Variants in TMEM41A observed in about 807,000 individuals in gnomAD.
The protein encoded by TMEM41A is transmembrane protein 41A.
In TMEM41A, 20 loss-of-function variants were observed where a neutral mutation model predicts 25.7. The observed-to-expected ratio is 0.78, with a 90% CI of 0.55 to 1.13. The LOEUF is 1.13. Among genes scored for constraint, TMEM41A ranks in the 50% most tolerant of loss-of-function variants. The pLI is 0.00. For missense variants in TMEM41A, 299 were observed against 314.3 expected (o/e 0.95, Z 0.37); for synonymous variants, 133 against 139.6 (o/e 0.95, Z 0.33).
At chr3:185,496,404 C>G (rs1719101517) in intron 2 of TMEM41A, 1 of 249,262 alleles carries the variant, frequency 4.0e-6, no homozygotes. Context: ...GATGTGGAGC[C>G]CCCACCAAGC....
At chr3:185,495,791 C>A (rs1241578757) in intron 2 of TMEM41A, 1 of 158,860 alleles carries the variant, frequency 6.3e-6, no homozygotes, top group Non-Finnish European at 1.4e-5. Flanking sequence ...AGGCTGGGAA[C>A]TACACCTGCC....
chr3:185,498,749 A>T, intron 1 of TMEM41A, 94 bp downstream of exon 1: 1 of 953,746 alleles, frequency 1.0e-6, no homozygotes, highest in Non-Finnish European at 1.5e-6. Context: ...CGCCTCCGAT[A>T]CCGGAACCCG....
rs1560148177 is a variant in TMEM41A, at chr3:185,496,685, GTGCTGA to G, written c.273+137_273+142del. The G allele has an allele frequency of 3.9e-6, 4 of 1,034,658 alleles. No homozygotes were observed. In the South Asian group the frequency reaches 5.6e-5, roughly 15 times the overall value. The allele number at this position is 1,034,658 out of a possible 1,614,324, so 64.1% of individuals were successfully genotyped here. A position where few individuals can be genotyped will look rare whatever the true frequency, so the allele number is the denominator to read the frequency against. On this transcript the variant is annotated intron_variant, in intron 2 of 4. Transcript: ENST00000421852. ...ACTTCGGTGCTCAATCCCTCCGTAA[GTGCTGA>G]GGGCCACTGTGTGCCAGCCCCGATA...
chr3:185,491,601 T>G lies in TMEM41A; in HGVS notation c.731A>C (p.Gln244Pro), dbSNP rs765231620. The G allele has an allele frequency of 1.2e-6, 2 of 1,614,206 alleles. No homozygotes were observed. Among genetic ancestry groups the G allele is most frequent in the Non-Finnish European group, 1.7e-6 (2 of 1,180,034 alleles). The stretch of plus-strand genomic sequence containing the variant: ...TGTTTCATTCAATTGCAGATGTTTC[T>G]GACTAAATTTTTTAATGAGGGTTCC... The part of the protein sequence containing the change: ...IPGTLIKKFS[Q>P]KHLQLNETST... Residue 244 changes from glutamine (Q) to proline (P), a missense_variant, in exon 5 of 5, where the codon CAG becomes CCG. Physicochemically the swap from Gln to Pro is moderately conservative, Grantham distance 76. Coordinates refer to ENST00000421852, the MANE Select transcript of TMEM41A (RefSeq NM_080652.4).
intron 1 of TMEM41A, 104 bp downstream of exon 1, chr3:185,498,739 C>T: frequency 1.2e-6 from 1 of 845,606 alleles, no homozygotes; most frequent in East Asian, 2.8e-5. Flanking sequence ...CAATTCCCAA[C>T]GCCTCCGATA....
At position 185,491,767 on chromosome 3, in the gene TMEM41A, GA is replaced by G. The variant is rs1560146231; in HGVS notation, c.575-11del. 3 of 1,588,704 alleles carry G rather than the reference GA, an allele frequency of 1.9e-6. No individual in the cohort carries two copies. The highest frequency in any genetic ancestry group is 2.6e-6 in the Non-Finnish European group (3 of 1,164,938). ...TTATATGGGATCAAACCTGGAAGAA[GA>G]AAAGGACAAAGCACCTGTTACAAGC... On this transcript the variant is annotated splice_polypyrimidine_tract_variant and intron_variant, in intron 4 of 4. Coordinates refer to ENST00000421852, the MANE Select transcript of TMEM41A (RefSeq NM_080652.4).
At chr3:185,496,625 G>A (rs182801050) in intron 2 of TMEM41A, 3 of 643,396 alleles carry the variant, frequency 4.7e-6, no homozygotes, top group Non-Finnish European at 8.2e-6. Context: ...GGTGGGAGAG[G>A]GAAGCAGTAC....
In TMEM41A at chr3:185,494,636, G is replaced by A; in HGVS notation, c.561C>T (p.Phe187=). The change falls in exon 4 of 5, where the codon TTC becomes TTT. Residue 187 remains phenylalanine (F), a synonymous_variant. Transcript: ENST00000421852. ...CTAGCATCTTACCGATAAGAACTGA[G>A]AAGAAGAACTGCACGATGGGAATGT... ...ILNIPIVQFF[F]SVLIGLIPYN... 1.2e-6 allele frequency: 2 copies of A among 1,607,342 alleles called. No individual in the cohort carries two copies. Among genetic ancestry groups the A allele is most frequent in the African/African-American group, 1.3e-5 (1 of 74,554 alleles).
chr3:185,495,319 C>T lies in TMEM41A; in HGVS notation c.274-4G>A. On this transcript the variant is annotated splice_polypyrimidine_tract_variant and splice_region_variant and intron_variant, in intron 2 of 4. Transcript: ENST00000421852. ...ACAAGGCACCAGCTAAAACATTCTG[C>T]AAATAAAACAAACCCTCAGGCATGT... 1 of 1,612,764 alleles carries T rather than the reference C, an allele frequency of 6.2e-7. No individual in the cohort carries two copies. Among genetic ancestry groups the T allele is most frequent in the Non-Finnish European group, 8.5e-7 (1 of 1,179,638 alleles).
At chr3:185,495,066 G>A (rs1166701101) in intron 3 of TMEM41A, 88 bp downstream of exon 3, 2 of 1,488,374 alleles carry the variant, frequency 1.3e-6, no homozygotes, top group South Asian at 1.2e-5. Flanking sequence ...AGAGTACTGT[G>A]GGAAATCCCT....
In TMEM41A at chr3:185,494,668, T is replaced by C. The variant is rs758097342; in HGVS notation, c.529A>G (p.Ile177Val). The change falls in exon 4 of 5, where the codon ATT (isoleucine) becomes GTT (valine). Residue 177 changes from isoleucine (I) to valine (V), a missense_variant. Ile to Val is a conservative substitution (Grantham distance 29). Coordinates refer to ENST00000421852, the MANE Select transcript of TMEM41A (RefSeq NM_080652.4). Reference sequence around the variant, plus strand: ...AACTGCACGATGGGAATGTTCAGAATTGGGGCCGAGAGGTTCAAGAACCAG... The same window carrying C: ...AACTGCACGATGGGAATGTTCAGAACTGGGGCCGAGAGGTTCAAGAACCAG... Reference protein sequence around the residue: ...PNWFLNLSAPILNIPIVQFFF... With the variant: ...PNWFLNLSAPVLNIPIVQFFF... 5 of 1,612,402 alleles carry C rather than the reference T, an allele frequency of 3.1e-6. No homozygotes were observed. The highest frequency in any genetic ancestry group is 2.2e-5 in the East Asian group (1 of 44,824).
intron 1 of TMEM41A, among the ~76,000 whole-genome samples, chr3:185,498,090 C>CACCA (rs1553817738): frequency 7.1e-6 from 1 of 141,054 alleles, no homozygotes; most frequent in African/African-American, 2.6e-5. Context: ...GACCCCCCCC[C>CACCA]CGCGTCCCTA....
intron 4 of TMEM41A, chr3:185,494,381 T>C (rs754059347): frequency 4.8e-6 from 2 of 419,442 alleles, no homozygotes; most frequent in Non-Finnish European, 8.2e-6. Context: ...TCCCAGTGCC[T>C]AGTGCATACA....
At chr3:185,497,754 G>A (rs921446467) in intron 1 of TMEM41A, among the ~76,000 whole-genome samples, 3 of 152,126 alleles carry the variant, frequency 2.0e-5, no homozygotes, top group African/African-American at 4.8e-5. Context: ...CGGTATGTCC[G>A]ACACCCACAG....
chr3:185,491,738 G>T lies in TMEM41A; in HGVS notation c.594C>A (p.Phe198Leu). 6.2e-7 allele frequency: 1 copy of T among 1,612,088 alleles called. No homozygotes were observed. The highest frequency in any genetic ancestry group is 8.5e-7 in the Non-Finnish European group (1 of 1,178,998). Residue 198 changes from phenylalanine (F) to leucine (L), a missense_variant, in exon 5 of 5, where the codon TTC becomes TTA. Coordinates refer to ENST00000421852, the MANE Select transcript of TMEM41A (RefSeq NM_080652.4). ...GGATGGACCCTGTCTGCACACAGAT[G>T]AAATTATATGGGATCAAACCTGGAA... is the stretch of plus-strand genomic sequence containing the variant. ...SVLIGLIPYN[F>L]ICVQTGSILS...
Position 185,491,816 on chromosome 3 carries a change from T to C in TMEM41A, c.575-59A>G, listed in dbSNP as rs1718966901. ...AGCAGCAGCAAAATTAAGAAAATAA[T>C]AATTCAGAATGTCACCAGGAACAGT... On this transcript the variant is annotated intron_variant, in intron 4 of 4. Coordinates refer to ENST00000421852, the MANE Select transcript of TMEM41A (RefSeq NM_080652.4). 17 of 1,318,714 alleles carry C rather than the reference T, an allele frequency of 1.3e-5. No homozygotes were observed. In the East Asian group the frequency reaches 4.0e-4, roughly 31 times the overall value. The allele number at this position is 1,318,714 out of a possible 1,614,324, so 81.7% of individuals were successfully genotyped here.
At position 185,497,045 on chromosome 3, in the gene TMEM41A, C is replaced by T. The variant is rs560600065; in HGVS notation, c.120-64G>A. The T allele has an allele frequency of 2.1e-5, 32 of 1,520,978 alleles. No homozygotes were observed. In the East Asian group the frequency reaches 4.1e-4, roughly 19 times the overall value. The allele number at this position is 1,520,978 out of a possible 1,614,324, so 94.2% of individuals were successfully genotyped here. On this transcript the variant is annotated intron_variant, in intron 1 of 4. Transcript: ENST00000421852. ...ATCAGTCCAGTGCCCATGAAAGTCA[C>T]TCGCTGTGTCTTCTTTTCAGAGTAG... is the stretch of plus-strand genomic sequence containing the variant.
In TMEM41A at chr3:185,498,955, G is replaced by T. The variant is rs755638940; in HGVS notation, c.7C>A (p.Pro3Thr). 1.9e-5 allele frequency: 31 copies of T among 1,598,324 alleles called. No homozygotes were observed. Among genetic ancestry groups the T allele is most frequent in the Non-Finnish European group, 2.6e-5 (30 of 1,173,638 alleles). The change falls in exon 1 of 5, where the codon CCG (proline) becomes ACG (threonine). Residue 3 changes from proline (P) to threonine (T), a missense_variant. Transcript: ENST00000421852. ...AAGACCAGAAGGAGGCCGAGAAGCGGGCGCATGTCGGCTCCGCACCCCGGC... is the reference window on the plus strand; with the variant it reads ...AAGACCAGAAGGAGGCCGAGAAGCGTGCGCATGTCGGCTCCGCACCCCGGC... MRPLLGLLLVFAG... is the reference protein window; with the variant it reads MRTLLGLLLVFAG...
chr3:185,498,788 G>C, intron 1 of TMEM41A, 55 bp downstream of exon 1: 1 of 1,326,942 alleles, frequency 7.5e-7, no homozygotes, highest in Non-Finnish European at 1.0e-6. Context: ...TCCCAGCCCC[G>C]GTCCTCGGAC....
Sources: gnomAD v4.1 joint callset for allele counts (sites outside exome capture counted in the v4.1 genomes callset) on GRCh38, gnomAD v4.1.1 for gene constraint, MANE v1.5 for transcripts, NCBI Gene and HGNC (gene_info 2026-07-23, HGNC 2026-07-21) for gene names.